Variants in PSMA8 observed in about 807,000 individuals in gnomAD.
PSMA8 encodes the protein proteasome subunit alpha-type 8.
Under a neutral mutation model 32.4 loss-of-function variants are expected in PSMA8, and 18 were observed. The observed-to-expected ratio is 0.56, with a 90% confidence interval of 0.38 to 0.82. The LOEUF (loss-of-function observed/expected upper bound fraction) is 0.82, where lower values mean the gene tolerates loss of function less well. Ranked by LOEUF, PSMA8 falls within the 40% of genes least tolerant of loss-of-function variation. The pLI is 0.00. For synonymous variants in PSMA8, 104 were observed against 98.1 expected, an observed-to-expected ratio of 1.06 and a Z score of -0.36; for missense variants, 298 against 300.7, an observed-to-expected ratio of 0.99 and a Z score of 0.07.
chr18:26,189,315 C>T lies in PSMA8; in HGVS notation c.661-3004C>T, dbSNP rs565982392. On this transcript the variant is annotated intron_variant, in intron 6 of 6. Coordinates refer to ENST00000415576, the MANE Select transcript of PSMA8 (RefSeq NM_001025096.2). ...GGCCAAGGCGGGAGGATCACTTGAG[C>T]CTAGGAGTTTCAGACCAGCCTGGAC... is the stretch of plus-strand genomic sequence containing the variant. Among the ~76,000 whole-genome samples the T allele has an allele frequency of 1.4e-4, 22 of 152,112 alleles. No homozygotes were observed. In the South Asian group the frequency reaches 2.1e-3, roughly 14 times the overall value.
At chr18:26,148,269 A>G (rs2055019295) in intron 2 of PSMA8, among the ~76,000 whole-genome samples, 1 of 152,162 alleles carries the variant, frequency 6.6e-6, no homozygotes, top group South Asian at 2.1e-4. Flanking sequence ...AAAATCCTCA[A>G]CAAACTAGTA....
intron 1 of PSMA8, among the ~76,000 whole-genome samples, chr18:26,134,349 G>GTGTGTGTGTGTGTCTC (rs1568050661): frequency 2.2e-5 from 3 of 134,746 alleles, no homozygotes; most frequent in African/African-American, 7.4e-5. Flanking sequence ...GGGTGTGTGT[G>GTGTGTGTGTGTGTCTC]TGTGTGTGTG....
chr18:26,165,300 A>ATGCG (rs2055169091), intron 4 of PSMA8, among the ~76,000 whole-genome samples: 1 of 152,244 alleles, frequency 6.6e-6, no homozygotes, highest in Admixed American at 6.5e-5. Context: ...ATGTGTGTGT[A>ATGCG]TGCGTGCGCA....
chr18:26,151,890 A>G lies in PSMA8; in HGVS notation c.262A>G (p.Arg88Gly), dbSNP rs866898958. 5 of 1,611,412 alleles carry G rather than the reference A, an allele frequency of 3.1e-6. No individual in the cohort carries two copies. The Middle Eastern group carries it at 6.6e-4, about 213-fold the overall frequency. Residue 88 changes from arginine (R) to glycine (G), a missense_variant, in exon 3 of 7, where the codon AGA (arginine) becomes GGA (glycine). Arg to Gly is a moderately radical substitution (Grantham distance 125). Coordinates refer to ENST00000415576, the MANE Select transcript of PSMA8 (RefSeq NM_001025096.2). ...LTADARVVIN[R>G]ARVECQSHKL... ...TGCTGATGCTAGAGTAGTAATAAAC[A>G]GAGCCCGTGTGGAGTGCCAGAGCCA...
chr18:26,191,831 A>G (rs978595027), intron 6 of PSMA8, among the ~76,000 whole-genome samples: 1 of 152,084 alleles, frequency 6.6e-6, no homozygotes, highest in African/African-American at 2.4e-5. Flanking sequence ...ATCAAACTAC[A>G]CTGCAAATTC....
At chr18:26,134,205 T>C in intron 1 of PSMA8, 138 bp downstream of exon 1, 1 of 636,676 alleles carries the variant, frequency 1.6e-6, no homozygotes, top group Non-Finnish European at 2.7e-6. Context: ...CTTTGTTCTT[T>C]TTATTTAGGG....
chr18:26,189,065 G>A (rs990206865), intron 6 of PSMA8, among the ~76,000 whole-genome samples: 1 of 152,108 alleles, frequency 6.6e-6, no homozygotes, highest in African/African-American at 2.4e-5. Context: ...CACAGAATGG[G>A]AGAAAATATT....
At chr18:26,158,822 G>T (rs1036952626) in intron 4 of PSMA8, among the ~76,000 whole-genome samples, 2 of 152,172 alleles carry the variant, frequency 1.3e-5, no homozygotes, top group South Asian at 4.2e-4. Flanking sequence ...AAAGTATAGG[G>T]CTCAGCCAGG....
chr18:26,172,237 T>C (rs2055228133), intron 4 of PSMA8, among the ~76,000 whole-genome samples: 1 of 152,232 alleles, frequency 6.6e-6, no homozygotes, highest in Non-Finnish European at 1.5e-5. Flanking sequence ...GAGTTCCCAA[T>C]AATTTTTAAG....
At chr18:26,175,800 T>C (rs1234801536) in intron 4 of PSMA8, among the ~76,000 whole-genome samples, 1 of 152,192 alleles carries the variant, frequency 6.6e-6, no homozygotes. Flanking sequence ...GATGCTGGTA[T>C]TTGTCTCTTT....
At position 26,182,511 on chromosome 18, in the gene PSMA8, A is replaced by G. The variant is rs564804974; in HGVS notation, c.660+3381A>G. ...ACTACTGAGACCTAACACTCAAAAAAAGAAGATTCCTTTCAAAATGTTACT... is the reference window on the plus strand; with the variant it reads ...ACTACTGAGACCTAACACTCAAAAAGAGAAGATTCCTTTCAAAATGTTACT... On this transcript the variant is annotated intron_variant, in intron 6 of 6. Transcript: ENST00000415576. Among the ~76,000 whole-genome samples, 5 of 152,338 alleles carry G rather than the reference A, an allele frequency of 3.3e-5. No individual in the cohort carries two copies. In the South Asian group the frequency reaches 1.0e-3, roughly 32 times the overall value.
chr18:26,156,861 A>G (rs1169650706), intron 3 of PSMA8, among the ~76,000 whole-genome samples: 1 of 151,178 alleles, frequency 6.6e-6, no homozygotes, highest in African/African-American at 2.4e-5. Context: ...ATCTCGTCTC[A>G]CTGAAGCCTC....
intron 6 of PSMA8, among the ~76,000 whole-genome samples, chr18:26,190,275 A>G (rs1472401770): frequency 1.3e-5 from 2 of 152,186 alleles, no homozygotes; most frequent in East Asian, 1.9e-4. Flanking sequence ...ACATTTTAAG[A>G]TAACTAAAAG....
rs1337467580 is a variant in PSMA8 at position 26,169,737 on chromosome 18, T to A, written c.478-9093T>A. ...TGGCGCGCACCCGGTCCCAGCTACTTGGGAGCCTGAGGCAGGAGAATCGCT... is the reference window on the plus strand; with the variant it reads ...TGGCGCGCACCCGGTCCCAGCTACTAGGGAGCCTGAGGCAGGAGAATCGCT... On this transcript the variant is annotated intron_variant, in intron 4 of 6. Transcript: ENST00000415576. Among the ~76,000 whole-genome samples, 7 of 128,546 alleles carry A rather than the reference T, an allele frequency of 5.4e-5. 2 individuals are homozygous for A. The highest frequency in any genetic ancestry group is 5.2e-4 in the Admixed American group (7 of 13,462). 84.3% of individuals were successfully genotyped at this position (128,546 alleles called of 152,430 possible).
chr18:26,161,684 A>C (rs1336916100), intron 4 of PSMA8, among the ~76,000 whole-genome samples: 1 of 152,164 alleles, frequency 6.6e-6, no homozygotes, highest in Non-Finnish European at 1.5e-5. Flanking sequence ...GCTGTAGTGC[A>C]CTATGATCAT....
rs755399474 is a variant in PSMA8, at chr18:26,158,175, A to G, written c.408A>G (p.Val136=). 3.1e-6 allele frequency: 5 copies of G among 1,606,766 alleles called. No homozygotes were observed. The highest frequency in any genetic ancestry group is 1.7e-4 in the Middle Eastern group (1 of 6,044). ...CTTTTGGTATTTCTGCCTTAATTGT[A>G]GGTTTTGATGATGATGGTATCTCAA... ...RRPFGISALI[V]GFDDDGISRL... is the part of the protein sequence containing the mutation. Residue 136 remains valine (V), a synonymous_variant, in exon 4 of 7, where the codon GTA becomes GTG. Transcript: ENST00000415576.
chr18:26,147,554 G>A (rs1392545935), intron 2 of PSMA8, among the ~76,000 whole-genome samples: 1 of 152,088 alleles, frequency 6.6e-6, no homozygotes, highest in African/African-American at 2.4e-5. Flanking sequence ...AGGAAAATAA[G>A]AATAAACTAA....
At chr18:26,137,135 A>G (rs1014305191) in intron 1 of PSMA8, among the ~76,000 whole-genome samples, 2 of 152,212 alleles carry the variant, frequency 1.3e-5, no homozygotes, top group Admixed American at 1.3e-4. Flanking sequence ...ACTAAGCTTC[A>G]GTTTCTGTAA....
chr18:26,172,826 G>A (rs2055234197), intron 4 of PSMA8, among the ~76,000 whole-genome samples: 3 of 152,192 alleles, frequency 2.0e-5, no homozygotes, highest in Admixed American at 2.0e-4. Flanking sequence ...GAAGCAGGTG[G>A]ATATGATGGG....
Sources: allele counts gnomAD v4.1 joint callset (sites outside exome capture counted in the v4.1 genomes callset), GRCh38; gene constraint gnomAD v4.1.1; transcripts MANE v1.5; gene names NCBI Gene and HGNC (gene_info 2026-07-23, HGNC 2026-07-21).